Variants in HFM1 observed in about 807,000 individuals in gnomAD.
HFM1 encodes helicase for meiosis 1, also known as probable ATP-dependent DNA helicase HFM1.
A neutral mutation model predicts 192.1 loss-of-function variants in HFM1; 169 were observed. The ratio of observed to expected loss-of-function variants is 0.88; its 90% CI spans 0.78 to 1.00. The LOEUF (loss-of-function observed/expected upper bound fraction) is 1.00. Ranked by LOEUF, HFM1 falls within the 50% of genes least tolerant of loss-of-function variation. HFM1 has a pLI of 0.00. For synonymous variants in HFM1, 525 were observed against 537.8 expected (o/e 0.98, Z 0.33); for missense variants, 1,661 against 1,668.0 (o/e 1.00, Z 0.07).
rs1034953572 is a variant in HFM1 at position 91,371,749 on chromosome 1, A to G, written c.1685+3609T>C. Among the ~76,000 whole-genome samples, 68 of 151,488 alleles carry G rather than the reference A, an allele frequency of 4.5e-4. No individual in the cohort carries two copies. In the East Asian group the frequency reaches 8.9e-3, roughly 20 times the overall value. ...AAGCCAAACTTGACAAATGGGATCT[A>G]ATTAAAGAGCTTCTGTACAGCAAAA... On this transcript the variant is annotated intron_variant, in intron 13 of 38. Transcript: ENST00000370425.
chr1:91,339,109 G>T (rs545669193), intron 20 of HFM1: 2 of 439,900 alleles, frequency 4.5e-6, no homozygotes, highest in Non-Finnish European at 4.5e-6. Context: ...AAAAGAAAAA[G>T]CCCCATCTGA....
intron 13 of HFM1, among the ~76,000 whole-genome samples, chr1:91,354,949 A>C (rs1657514520): frequency 6.6e-6 from 1 of 152,136 alleles, no homozygotes; most frequent in African/African-American, 2.4e-5. Flanking sequence ...AGAATGTGCC[A>C]CCACTGTAAT....
At chr1:91,277,844 A>T (rs1667052862) in intron 30 of HFM1, among the ~76,000 whole-genome samples, 2 of 15,356 alleles carry the variant, frequency 1.3e-4, no homozygotes, top group Non-Finnish European at 2.7e-4. Context: ...AATATATACT[A>T]ATATATATTA....
chr1:91,382,584 G>A (rs1043278326), intron 6 of HFM1, among the ~76,000 whole-genome samples: 8 of 152,244 alleles, frequency 5.3e-5, no homozygotes, highest in East Asian at 3.9e-4. Context: ...AAACAAAAAC[G>A]TAATTTTGAG....
intron 13 of HFM1, among the ~76,000 whole-genome samples, chr1:91,372,145 G>T (rs1660299359): frequency 6.6e-6 from 1 of 152,358 alleles, no homozygotes; most frequent in South Asian, 2.1e-4. Flanking sequence ...TGGTGGGACT[G>T]TAAACTAGTT....
At chr1:91,345,495 G>A (rs1452614341) in intron 19 of HFM1, among the ~76,000 whole-genome samples, 1 of 152,124 alleles carries the variant, frequency 6.6e-6, no homozygotes, top group Non-Finnish European at 1.5e-5. Flanking sequence ...GCTATTAAGA[G>A]TATACTAAGC....
chr1:91,368,914 C>A (rs1659770512), intron 13 of HFM1, among the ~76,000 whole-genome samples: 1 of 151,956 alleles, frequency 6.6e-6, no homozygotes, highest in African/African-American at 2.4e-5. Context: ...ATCTACCAAG[C>A]AAATGGAAAA....
In HFM1 at chr1:91,319,060, C is replaced by T. The variant is rs566181608; in HGVS notation, c.2812+18G>A. Reference sequence around the variant, plus strand: ...ATTGCAGACATGGCCAAACTGCCTGCCTGTATTCAGTACCTACCAATTTTT... The same window carrying T: ...ATTGCAGACATGGCCAAACTGCCTGTCTGTATTCAGTACCTACCAATTTTT... On this transcript the variant is annotated intron_variant, in intron 25 of 38. Transcript: ENST00000370425. The T allele has an allele frequency of 6.4e-7, 1 of 1,568,756 alleles. No individual in the cohort carries two copies. The highest frequency in any genetic ancestry group is 2.1e-5 in the Admixed American group (1 of 47,138).
intron 6 of HFM1, among the ~76,000 whole-genome samples, chr1:91,383,516 T>C (rs371162512): frequency 6.6e-6 from 1 of 152,174 alleles, no homozygotes; most frequent in African/African-American, 2.4e-5. Flanking sequence ...GCCATCTGCA[T>C]TGGAGGCAAC....
At chr1:91,299,213 C>A (rs566956021) in intron 30 of HFM1, among the ~76,000 whole-genome samples, 4 of 152,172 alleles carry the variant, frequency 2.6e-5, no homozygotes, top group Non-Finnish European at 4.4e-5. Context: ...GTAAAGGGAT[C>A]AATTCAACAA....
intron 20 of HFM1, among the ~76,000 whole-genome samples, chr1:91,325,158 A>C (rs1361518239): frequency 6.6e-6 from 1 of 152,172 alleles, no homozygotes; most frequent in Non-Finnish European, 1.5e-5. Context: ...AGCATTCACT[A>C]TAAGCTGACA....
At chr1:91,317,636 C>G (rs1440076325) in intron 25 of HFM1, among the ~76,000 whole-genome samples, 3 of 151,998 alleles carry the variant, frequency 2.0e-5, no homozygotes, top group Admixed American at 6.6e-5. Flanking sequence ...AAGGTATGAC[C>G]CTATTTCCTT....
In HFM1 at chr1:91,378,436, CAA is replaced by C. The variant is rs748143106; in HGVS notation, c.1201_1202del (p.Leu401GlyfsTer10). On this transcript the variant is annotated frameshift_variant, in exon 10 of 39. Coordinates refer to ENST00000370425, the MANE Select transcript of HFM1 (RefSeq NM_001017975.6). LOFTEE classifies it high-confidence loss of function. ...SMTRKWRDNSLVQLVRLFLID... is the reference protein window; with the variant it reads ...SMTRKWRDNSXVQLVRLFLID... ...TGAGAAACAGTCGAACCAGCTGAAC[CAA>C]AGAGTTGTCTCTCCATTTCCTAGTC... is the stretch of plus-strand genomic sequence containing the variant. 5 of 1,605,786 alleles carry C rather than the reference CAA, an allele frequency of 3.1e-6. No individual in the cohort carries two copies. The highest frequency in any genetic ancestry group is 1.7e-5 in the Admixed American group (1 of 59,676).
At chr1:91,378,232 A>T in intron 10 of HFM1, 49 bp from the exon 11 acceptor site, 1 of 1,364,474 alleles carries the variant, frequency 7.3e-7, no homozygotes. Context: ...TTAAAAATAC[A>T]TTTAATCAAT....
At chr1:91,345,822 G>A (rs1017900438) in intron 19 of HFM1, among the ~76,000 whole-genome samples, 3 of 152,136 alleles carry the variant, frequency 2.0e-5, no homozygotes, top group Non-Finnish European at 2.9e-5. Flanking sequence ...AAGAAAGAAT[G>A]CTACATAGAG....
intron 4 of HFM1, among the ~76,000 whole-genome samples, chr1:91,389,214 T>C (rs1230563003): frequency 7.0e-6 from 1 of 143,808 alleles, no homozygotes; most frequent in Non-Finnish European, 1.5e-5. Flanking sequence ...CAGGCTGGAG[T>C]GCAGTGGTGT....
Position 91,403,698 on chromosome 1 carries a change from T to C in HFM1, c.-28+1100A>G, listed in dbSNP as rs540350490. 2.6e-5 allele frequency among the ~76,000 whole-genome samples: 4 copies of C among 152,342 alleles called. No homozygotes were observed. The South Asian group carries it at 6.2e-4, about 24-fold the overall frequency. On this transcript the variant is annotated intron_variant, in intron 1 of 38. Transcript: ENST00000370425. ...CCCAGGTAGTTTTAAGTGTCTGCTCTGCTATAATCACTGTTAAAATACTTA... is the reference window on the plus strand; with the variant it reads ...CCCAGGTAGTTTTAAGTGTCTGCTCCGCTATAATCACTGTTAAAATACTTA...
chr1:91,379,218 T>C lies in HFM1; in HGVS notation c.1007-4A>G, dbSNP rs770644704. 1.8e-5 allele frequency: 29 copies of C among 1,587,880 alleles called. No individual in the cohort carries two copies. The highest frequency in any genetic ancestry group is 2.3e-5 in the Non-Finnish European group (27 of 1,170,718). On this transcript the variant is annotated splice_polypyrimidine_tract_variant and splice_region_variant and intron_variant, in intron 8 of 38. Transcript: ENST00000370425. Reference sequence around the variant, plus strand: ...CACAAGGCTTTTATTGGTGCCACTGTAACAATATAAAATATTTACTTTGAA... The same window carrying C: ...CACAAGGCTTTTATTGGTGCCACTGCAACAATATAAAATATTTACTTTGAA...
intron 2 of HFM1, among the ~76,000 whole-genome samples, chr1:91,400,243 T>C (rs1451608013): frequency 6.6e-6 from 1 of 152,184 alleles, no homozygotes; most frequent in Non-Finnish European, 1.5e-5. Flanking sequence ...ACATACTACC[T>C]ACTCTCTAGT....
Sources: allele counts gnomAD v4.1 joint callset (sites outside exome capture counted in the v4.1 genomes callset), GRCh38; gene constraint gnomAD v4.1.1; transcripts MANE v1.5; gene names NCBI Gene and HGNC (gene_info 2026-07-23, HGNC 2026-07-21).